Variants in CHCHD3 observed in about 807,000 individuals in gnomAD.
The protein encoded by CHCHD3 is MICOS complex subunit MIC19.
CHCHD3 carries 20 observed loss-of-function variants against 38.2 expected under a neutral mutation model. That is an observed-to-expected ratio of 0.52 (90% confidence interval 0.37 to 0.76). The LOEUF (loss-of-function observed/expected upper bound fraction) is 0.76, where lower values mean the gene tolerates loss of function less well. CHCHD3 is among the 30% of genes least tolerant of loss of function. The probability of loss-of-function intolerance (pLI) is 0.00; values close to 1 mark genes in which losing one functional copy is unlikely to be tolerated. For synonymous variants in CHCHD3, 82 were observed against 100.0 expected, an observed-to-expected ratio of 0.82 and a Z score of 1.07; for missense variants, 245 against 279.2, an observed-to-expected ratio of 0.88 and a Z score of 0.87.
At chr7:133,001,394 A>G (rs1193521355) in intron 3 of CHCHD3, among the ~76,000 whole-genome samples, 1 of 152,226 alleles carries the variant, frequency 6.6e-6, no homozygotes, top group African/African-American at 2.4e-5. Context: ...GAGGGCCTCC[A>G]AGCCCTTGAA....
intron 4 of CHCHD3, among the ~76,000 whole-genome samples, chr7:132,892,925 T>C (rs971840866): frequency 3.3e-5 from 5 of 152,260 alleles, no homozygotes; most frequent in African/African-American, 1.2e-4. Context: ...AGAAGTCTGC[T>C]GCAGGGGCAA....
At chr7:132,851,424 T>C (rs1808216550) in intron 5 of CHCHD3, among the ~76,000 whole-genome samples, 1 of 152,230 alleles carries the variant, frequency 6.6e-6, no homozygotes, top group African/African-American at 2.4e-5. Flanking sequence ...TCTATTATTC[T>C]TTTTAATAAT....
chr7:133,028,629 ATAATCCCAACACT>A (rs1173997307), intron 2 of CHCHD3, among the ~76,000 whole-genome samples: 2 of 152,058 alleles, frequency 1.3e-5, no homozygotes, highest in Non-Finnish European at 2.9e-5. Context: ...GCTCACGCCT[ATAATCCCAACACT>A]CTGAGAGGCT....
intron 6 of CHCHD3, among the ~76,000 whole-genome samples, chr7:132,808,816 T>C (rs1336165905): frequency 1.3e-5 from 2 of 152,064 alleles, no homozygotes; most frequent in African/African-American, 2.4e-5. Context: ...ACATGTGCCA[T>C]GCTGGTACGC....
intron 3 of CHCHD3, among the ~76,000 whole-genome samples, chr7:133,023,948 T>C (rs1178316931): frequency 6.6e-6 from 1 of 152,168 alleles, no homozygotes; most frequent in Non-Finnish European, 1.5e-5. Flanking sequence ...TTTTAGCTGT[T>C]GTTAGTAGTA....
At chr7:132,864,611 T>TCCC (rs1416475299) in intron 5 of CHCHD3, among the ~76,000 whole-genome samples, 1 of 152,072 alleles carries the variant, frequency 6.6e-6, no homozygotes, top group Non-Finnish European at 1.5e-5. Context: ...AAAAGGCAAA[T>TCCC]GAAGTATGTC....
chr7:133,009,318 C>T (rs1364842944), intron 3 of CHCHD3, among the ~76,000 whole-genome samples: 2 of 148,738 alleles, frequency 1.3e-5, no homozygotes, highest in African/African-American at 5.0e-5. Flanking sequence ...GAGCCAAGAT[C>T]GCGCCACTGC....
intron 6 of CHCHD3, among the ~76,000 whole-genome samples, chr7:132,804,234 A>G (rs1284329889): frequency 6.6e-6 from 1 of 152,170 alleles, no homozygotes; most frequent in African/African-American, 2.4e-5. Flanking sequence ...GGAGAAATAC[A>G]TACTTCATGG....
intron 4 of CHCHD3, among the ~76,000 whole-genome samples, chr7:132,932,599 A>T (rs1402584842): frequency 6.6e-6 from 1 of 152,228 alleles, no homozygotes; most frequent in Non-Finnish European, 1.5e-5. Flanking sequence ...TCACAAGTTA[A>T]GCTGCCGCAC....
At chr7:132,977,511 C>T (rs1016052050) in intron 3 of CHCHD3, among the ~76,000 whole-genome samples, 4 of 152,156 alleles carry the variant, frequency 2.6e-5, no homozygotes, top group South Asian at 2.1e-4. Context: ...CTGTATTTAA[C>T]GCATTTGTAT....
intron 5 of CHCHD3, among the ~76,000 whole-genome samples, chr7:132,847,691 ATC>A (rs1445051834): frequency 2.0e-4 from 31 of 152,328 alleles, no homozygotes; most frequent in Admixed American, 1.8e-3. Flanking sequence ...TTTGAAAACT[ATC>A]TGTTTTCAAG....
intron 3 of CHCHD3, among the ~76,000 whole-genome samples, chr7:132,979,413 T>C (rs934184664): frequency 6.6e-6 from 1 of 152,318 alleles, no homozygotes; most frequent in East Asian, 1.9e-4. Flanking sequence ...GAGAATGAAG[T>C]AGTGAGCAAG....
intron 4 of CHCHD3, among the ~76,000 whole-genome samples, chr7:132,936,189 C>T (rs903250834): frequency 2.6e-5 from 4 of 152,178 alleles, no homozygotes; most frequent in African/African-American, 9.7e-5. Context: ...CATGAGTAAG[C>T]ACCCGATAAA....
chr7:132,923,386 C>A (rs937146164), intron 4 of CHCHD3, among the ~76,000 whole-genome samples: 3 of 151,982 alleles, frequency 2.0e-5, no homozygotes, highest in African/African-American at 7.2e-5. Context: ...ACTCGCCTTT[C>A]CATATGGATA....
Position 133,035,251 on chromosome 7 carries a change from T to A in CHCHD3, c.170-10624A>T, listed in dbSNP as rs1813636994. ...CGTGGTGTGTCCTTTTTAGGCTGGG[T>A]CTCTGCAAACTTTTTAGCATCAAAC... is the stretch of plus-strand genomic sequence containing the variant. On this transcript the variant is annotated intron_variant, in intron 2 of 7. Coordinates refer to ENST00000262570, the MANE Select transcript of CHCHD3 (RefSeq NM_017812.4). The surrounding 1 kb of genome is among the most constrained non-coding windows in gnomAD (Gnocchi z 4.7). 5.6e-6 allele frequency: 9 copies of A among 1,613,648 alleles called. No individual in the cohort carries two copies. The highest frequency in any genetic ancestry group is 7.6e-6 in the Non-Finnish European group (9 of 1,179,692).
chr7:132,928,037 G>A (rs1039861095), intron 4 of CHCHD3, among the ~76,000 whole-genome samples: 4 of 152,148 alleles, frequency 2.6e-5, no homozygotes, highest in Non-Finnish European at 5.9e-5. Context: ...GGTTCCAGAA[G>A]AGAGTCCACT....
At chr7:132,818,177 T>G (rs1326972675) in intron 6 of CHCHD3, among the ~76,000 whole-genome samples, 6 of 152,246 alleles carry the variant, frequency 3.9e-5, no homozygotes, top group Non-Finnish European at 8.8e-5. Flanking sequence ...AACCTTTTCA[T>G]AAATCAAAGC....
chr7:132,863,549 C>T (rs1031656395), intron 5 of CHCHD3, among the ~76,000 whole-genome samples: 1 of 152,204 alleles, frequency 6.6e-6, no homozygotes, highest in African/African-American at 2.4e-5. Flanking sequence ...AAGTCATCAG[C>T]TGCATTAGCA....
intron 4 of CHCHD3, among the ~76,000 whole-genome samples, chr7:132,903,264 G>A (rs1809714030): frequency 6.6e-6 from 1 of 152,132 alleles, no homozygotes; most frequent in African/African-American, 2.4e-5. Context: ...CTAATACAAT[G>A]TAAATGCTAT....
Sources: allele counts gnomAD v4.1 joint callset (sites outside exome capture counted in the v4.1 genomes callset), GRCh38; gene constraint gnomAD v4.1.1; non-coding constraint Gnocchi (gnomAD v3.1); transcripts MANE v1.5; gene names NCBI Gene and HGNC (gene_info 2026-07-23, HGNC 2026-07-21).